PIM1: variants seen among roughly 807,000 people sequenced by gnomAD.
The protein encoded by PIM1 is Pim-1 proto-oncogene, serine/threonine kinase, also known as serine/threonine-protein kinase pim-1.
In PIM1, 9 loss-of-function variants were observed where a neutral mutation model predicts 34.5. The observed-to-expected ratio is 0.26, with a 90% CI of 0.16 to 0.46. PIM1 has a LOEUF of 0.46. PIM1 is among the 20% of genes least tolerant of loss of function. The probability of loss-of-function intolerance (pLI) is 1.00; values close to 1 mark genes in which losing one functional copy is unlikely to be tolerated. For missense variants in PIM1, 274 were observed against 410.9 expected, an observed-to-expected ratio of 0.67 and a Z score of 2.88; for synonymous variants, 199 against 175.2, an observed-to-expected ratio of 1.14 and a Z score of -1.07.
chr6:37,172,332 C>T, intron 4 of PIM1: 3 of 304,682 alleles, frequency 9.8e-6, no homozygotes, highest in African/African-American at 2.2e-5. Context: ...CATGTTTTTT[C>T]TTTCAAGTCT....
chr6:37,171,584 T>TA (rs1246733761), intron 4 of PIM1, 93 bp downstream of exon 4: 1 of 1,466,626 alleles, frequency 6.8e-7, no homozygotes, highest in Non-Finnish European at 9.1e-7. Context: ...CAGCCTTTTG[T>TA]AAAGGTCATT....
At chr6:37,172,132 AAAG>A (rs1202117162) in intron 4 of PIM1, among the ~76,000 whole-genome samples, 2 of 152,102 alleles carry the variant, frequency 1.3e-5, no homozygotes, top group Non-Finnish European at 2.9e-5. Flanking sequence ...TTCTTTCAGA[AAAG>A]AAGGAATGGA....
Position 37,170,592 on chromosome 6 carries a change from T to C in PIM1, c.17T>C (p.Ile6Thr). MLLSK[I>T]NSLAHLRAAP... ...GAGGTTGGGATGCTCTTGTCCAAAA[T>C]CAACTCGCTTGCCCACCTGCGCGCC... is the stretch of plus-strand genomic sequence containing the variant. Residue 6 changes from isoleucine to threonine, a missense_variant, in exon 1 of 6, where the codon ATC becomes ACC. Transcript: ENST00000373509. The C allele has an allele frequency of 6.2e-7, 1 of 1,612,946 alleles. No homozygotes were observed. The highest frequency in any genetic ancestry group is 1.1e-5 in the South Asian group (1 of 91,066).
chr6:37,172,117 G>A (rs1762300191), intron 4 of PIM1, among the ~76,000 whole-genome samples: 1 of 152,090 alleles, frequency 6.6e-6, no homozygotes, highest in African/African-American at 2.4e-5. Flanking sequence ...GGGGCTTGGA[G>A]CGGGTTCTTT....
chr6:37,172,595 C>T (rs1036421032), intron 4 of PIM1: 4 of 458,118 alleles, frequency 8.7e-6, no homozygotes, highest in South Asian at 6.2e-5. Flanking sequence ...AGAATCTCAC[C>T]CGGGCTCCTG....
Position 37,170,645 on chromosome 6 carries a change from A to T in PIM1, c.70A>T (p.Lys24Ter). ...GCCCTGCAACGACCTGCACGCCACC[A>T]AGCTGGCGCCCGGTGAGAGCACCCC... The part of the protein sequence containing the change: ...AAPCNDLHAT[K>*]LAPGKEKEPL... The change falls in exon 1 of 6, where the codon AAG becomes TAG. Residue 24 changes from lysine to a stop codon, truncating the protein, a stop_gained. Transcript: ENST00000373509. LOFTEE classifies it high-confidence loss of function. The T allele has an allele frequency of 6.2e-7, 1 of 1,611,972 alleles. No homozygotes were observed. The highest frequency in any genetic ancestry group is 8.5e-7 in the Non-Finnish European group (1 of 1,179,298).
chr6:37,174,164 C>T lies in PIM1; in HGVS notation c.*73C>T, dbSNP rs1269117862. The stretch of plus-strand genomic sequence containing the variant: ...GGGGAAGCTTCTGTCTCCAGCTTCC[C>T]GAGTACCAGTGACACGTCTCGCCAA... On this transcript the variant is annotated 3_prime_UTR_variant, in exon 6 of 6. Coordinates refer to ENST00000373509, the MANE Select transcript of PIM1 (RefSeq NM_002648.4). The T allele has an allele frequency of 6.3e-6, 9 of 1,439,022 alleles. No homozygotes were observed. Among genetic ancestry groups the T allele is most frequent in the East Asian group, 2.3e-5 (1 of 43,330 alleles). 89.1% of individuals were successfully genotyped at this position (1,439,022 alleles called of 1,614,324 possible).
At position 37,171,162 on chromosome 6, in the gene PIM1, T is replaced by G; in HGVS notation, c.278T>G (p.Leu93Arg). 1 of 1,614,076 alleles carries G rather than the reference T, an allele frequency of 6.2e-7. No individual in the cohort carries two copies. Among genetic ancestry groups the G allele is most frequent in the Non-Finnish European group, 8.5e-7 (1 of 1,179,984 alleles). ...CGAGTGCCCATGGAAGTGGTCCTGC[T>G]GAAGAAGGTGAGCTCGGGTTTCTCC... ...GTRVPMEVVL[L>R]KKVSSGFSGV... The change falls in exon 4 of 6, where the codon CTG becomes CGG. Residue 93 changes from leucine (L) to arginine (R), a missense_variant. Transcript: ENST00000373509.
chr6:37,172,884 G>A (rs1300699854), intron 4 of PIM1, 112 bp from the exon 5 acceptor site: 1 of 933,778 alleles, frequency 1.1e-6, no homozygotes, highest in East Asian at 2.6e-5. Context: ...CCTAGCTCCT[G>A]AGAGAAGGGA....
chr6:37,170,853 G>A lies in PIM1; in HGVS notation c.163G>A (p.Gly55Ser). The A allele has an allele frequency of 6.2e-7, 1 of 1,612,722 alleles. No homozygotes were observed. Among genetic ancestry groups the A allele is most frequent in the Non-Finnish European group, 8.5e-7 (1 of 1,179,548 alleles). Residue 55 changes from glycine (G) to serine (S), a missense_variant, in exon 2 of 6, where the codon GGC (glycine) becomes AGC (serine). Transcript: ENST00000373509. Reference sequence around the variant, plus strand: ...CGGCGGCTTCGGCTCGGTCTACTCAGGCATCCGCGTCTCCGACAACTTGCC... The same window carrying A: ...CGGCGGCTTCGGCTCGGTCTACTCAAGCATCCGCGTCTCCGACAACTTGCC... Reference protein sequence around the residue: ...GSGGFGSVYSGIRVSDNLPVA... With the variant: ...GSGGFGSVYSSIRVSDNLPVA...
chr6:37,173,385 T>C lies in PIM1; in HGVS notation c.784+213T>C, dbSNP rs543396664. Among the ~76,000 whole-genome samples the C allele has an allele frequency of 2.4e-4, 37 of 152,312 alleles. No homozygotes were observed. In the South Asian group the frequency reaches 4.8e-3, roughly 20 times the overall value. On this transcript the variant is annotated intron_variant, in intron 5 of 5. Transcript: ENST00000373509. ...TTCCTTGGGAGGTCAGAGGAAGGCA[T>C]GTGTGAGCATATTAAGAAGAAAAGA...
Position 37,170,166 on chromosome 6 carries a change from G to C in PIM1, c.-410G>C. 5 of 959,130 alleles carry C rather than the reference G, an allele frequency of 5.2e-6. No individual in the cohort carries two copies. Among genetic ancestry groups the C allele is most frequent in the Non-Finnish European group, 6.6e-6 (5 of 762,790 alleles). 59.4% of individuals were successfully genotyped at this position (959,130 alleles called of 1,614,324 possible). A position where few individuals can be genotyped will look rare whatever the true frequency, so the allele number is the denominator to read the frequency against. ...TCCTCCCCTTTACTCCTGGCTGCGG[G>C]GCGAGCCGGGCGTCTGCTGCAGCGG... On this transcript the variant is annotated 5_prime_UTR_variant, in exon 1 of 6. Transcript: ENST00000373509.
In PIM1 at chr6:37,174,373, G is replaced by T; in HGVS notation, c.*282G>T. The T allele has an allele frequency of 8.1e-6, 1 of 122,802 alleles. No homozygotes were observed. The highest frequency in any genetic ancestry group is 1.6e-5 in the Non-Finnish European group (1 of 61,998). The allele number at this position is 122,802 out of a possible 1,614,324, so 7.6% of individuals were successfully genotyped here. A position where few individuals can be genotyped will look rare whatever the true frequency, so the allele number is the denominator to read the frequency against. On this transcript the variant is annotated 3_prime_UTR_variant, in exon 6 of 6. Transcript: ENST00000373509. ...TGCTGGACTCTGAAATATCCCGGGG[G>T]TGGGGGGTGGGGGTGGGTCAGAACC...
chr6:37,170,289 C>T lies in PIM1; in HGVS notation c.-287C>T. On this transcript the variant is annotated 5_prime_UTR_variant, in exon 1 of 6. Coordinates refer to ENST00000373509, the MANE Select transcript of PIM1 (RefSeq NM_002648.4). Reference sequence around the variant, plus strand: ...CAGCAGCAGCAGCAACCACTAGCCTCCTGCCCCGCGGCGCTGCCGCACGAG... The same window carrying T: ...CAGCAGCAGCAGCAACCACTAGCCTTCTGCCCCGCGGCGCTGCCGCACGAG... 3 of 1,404,174 alleles carry T rather than the reference C, an allele frequency of 2.1e-6. No homozygotes were observed. Among genetic ancestry groups the T allele is most frequent in the Non-Finnish European group, 2.8e-6 (3 of 1,081,022 alleles). 87.0% of individuals were successfully genotyped at this position (1,404,174 alleles called of 1,614,324 possible). A position where few individuals can be genotyped will look rare whatever the true frequency, so the allele number is the denominator to read the frequency against.
chr6:37,170,814 C>T lies in PIM1; in HGVS notation c.124C>T (p.Pro42Ser). Residue 42 changes from proline to serine, a missense_variant, in exon 2 of 6, where the codon CCG becomes TCG. Around this residue, in one of 2 missense-constraint regions of PIM1, gnomAD observed 106 missense variants for 111.5 expected, o/e 0.95. Coordinates refer to ENST00000373509, the MANE Select transcript of PIM1 (RefSeq NM_002648.4). ...EPLESQYQVGPLLGSGGFGSV... is the reference protein window; with the variant it reads ...EPLESQYQVGSLLGSGGFGSV... ...CCTGGAGTCGCAGTACCAGGTGGGCCCGCTACTGGGCAGCGGCGGCTTCGG... is the reference window on the plus strand; with the variant it reads ...CCTGGAGTCGCAGTACCAGGTGGGCTCGCTACTGGGCAGCGGCGGCTTCGG... 6.2e-7 allele frequency: 1 copy of T among 1,613,094 alleles called. No homozygotes were observed. Among genetic ancestry groups the T allele is most frequent in the South Asian group, 1.1e-5 (1 of 91,076 alleles).
At chr6:37,173,862 A>AC in intron 5 of PIM1, 72 bp from the exon 6 acceptor site, 2 of 1,448,166 alleles carry the variant, frequency 1.4e-6, no homozygotes, top group East Asian at 4.6e-5. Flanking sequence ...TCTGAGAAGC[A>AC]AATGGGGAAG....
chr6:37,172,313 G>A (rs1762303679), intron 4 of PIM1, among the ~76,000 whole-genome samples: 2 of 152,108 alleles, frequency 1.3e-5, no homozygotes, highest in Admixed American at 1.3e-4. Flanking sequence ...ATGGCTGGCC[G>A]GGTCCTCCCA....
rs1762382859 is a variant in PIM1, at chr6:37,175,053, GT to G, written c.*966del. 4.3e-6 allele frequency: 1 copy of G among 233,528 alleles called. No individual in the cohort carries two copies. Among genetic ancestry groups the G allele is most frequent in the East Asian group, 6.0e-5 (1 of 16,598 alleles). 14.5% of individuals were successfully genotyped at this position (233,528 alleles called of 1,614,324 possible). ...CCAAGCTTCCATAGCTGCTGCCCTAGTTTTCTTTCCTCCTTTCCTCCTCTGA... is the reference window on the plus strand; with the variant it reads ...CCAAGCTTCCATAGCTGCTGCCCTAGTTTCTTTCCTCCTTTCCTCCTCTGA... On this transcript the variant is annotated 3_prime_UTR_variant, in exon 6 of 6. Transcript: ENST00000373509.
rs1220597021 is a variant in PIM1 at position 37,172,632 on chromosome 6, A to G, written c.608-364A>G. ...GCAGTGGTGAATGCAATTTAAGGATAGTCTATGAGATACCTTTCTTGGTTG... is the reference window on the plus strand; with the variant it reads ...GCAGTGGTGAATGCAATTTAAGGATGGTCTATGAGATACCTTTCTTGGTTG... On this transcript the variant is annotated intron_variant, in intron 4 of 5. Coordinates refer to ENST00000373509, the MANE Select transcript of PIM1 (RefSeq NM_002648.4). The G allele has an allele frequency of 2.7e-5, 13 of 472,870 alleles. No individual in the cohort carries two copies. In the East Asian group the frequency reaches 8.1e-4, roughly 29 times the overall value. The allele number at this position is 472,870 out of a possible 1,614,324, so 29.3% of individuals were successfully genotyped here.
Sources: allele counts gnomAD v4.1 joint callset (sites outside exome capture counted in the v4.1 genomes callset), GRCh38; gene constraint gnomAD v4.1.1; regional missense constraint gnomAD v4.1.1; transcripts MANE v1.5; gene names NCBI Gene and HGNC (gene_info 2026-07-23, HGNC 2026-07-21).